The following RAB3GAP2 variants were observed in gnomAD, a reference collection of about 807,000 sequenced individuals.
RAB3GAP2 encodes rab3 GTPase-activating protein non-catalytic subunit.
RAB3GAP2 carries 87 observed loss-of-function variants against 185.3 expected under a neutral mutation model. That is an observed-to-expected ratio of 0.47 (90% CI 0.39 to 0.56). RAB3GAP2 has a LOEUF of 0.56. Among genes scored for constraint, RAB3GAP2 ranks in the 20% least tolerant of loss-of-function variants. The pLI, the probability that RAB3GAP2 is intolerant of heterozygous loss-of-function variation, is 0.00. For synonymous variants in RAB3GAP2, 554 were observed against 576.1 expected (o/e 0.96, Z 0.55); for missense variants, 1,492 against 1,638.2 (o/e 0.91, Z 1.54).
At position 220,254,557 on chromosome 1, in the gene RAB3GAP2, A is replaced by C. The variant is rs1282838193; in HGVS notation, c.115+17666T>G. On this transcript the variant is annotated intron_variant, in intron 1 of 34. Transcript: ENST00000358951. The stretch of plus-strand genomic sequence containing the variant: ...AGCTGTGTGAGAGGCACTCTCACTC[A>C]CTTATGTTTGGATCTCCGTAAACAC... 3 of 1,598,874 alleles carry C rather than the reference A, an allele frequency of 1.9e-6. No homozygotes were observed. In the African/African-American group the frequency reaches 4.0e-5, roughly 21 times the overall value.
chr1:220,236,019 A>C (rs1181950880), intron 1 of RAB3GAP2, among the ~76,000 whole-genome samples: 1 of 152,198 alleles, frequency 6.6e-6, no homozygotes, highest in East Asian at 1.9e-4. Context: ...GTGAAACAGC[A>C]CTATTATTCA....
In RAB3GAP2 at chr1:220,253,502, T is replaced by G. The variant is rs376492420; in HGVS notation, c.115+18721A>C. On this transcript the variant is annotated intron_variant, in intron 1 of 34. Transcript: ENST00000358951. The stretch of plus-strand genomic sequence containing the variant: ...ACGGCGCGTCTGACGCGGAGTTGGG[T>G]GGGGTAGAGAGTAGGGGGCGGTAGT... 2.4e-4 allele frequency: 327 copies of G among 1,349,184 alleles called. No individual in the cohort carries two copies. The African/African-American group carries it at 6.5e-3, about 27-fold the overall frequency. The allele number at this position is 1,349,184 out of a possible 1,614,324, so 83.6% of individuals were successfully genotyped here. A position where few individuals can be genotyped will look rare whatever the true frequency, so the allele number is the denominator to read the frequency against.
chr1:220,265,722 C>G (rs1660216018), intron 1 of RAB3GAP2, among the ~76,000 whole-genome samples: 1 of 151,940 alleles, frequency 6.6e-6, no homozygotes, highest in Non-Finnish European at 1.5e-5. Flanking sequence ...CCCAGGAGTT[C>G]AAGACCTGCT....
chr1:220,247,260 C>T (rs1272606993), intron 1 of RAB3GAP2, among the ~76,000 whole-genome samples: 1 of 152,162 alleles, frequency 6.6e-6, no homozygotes, highest in African/African-American at 2.4e-5. Context: ...TACTGGGTAT[C>T]TCCCAAAGGA....
intron 31 of RAB3GAP2, among the ~76,000 whole-genome samples, chr1:220,155,537 T>C (rs1553273384): frequency 1.3e-5 from 2 of 152,242 alleles, no homozygotes; most frequent in Non-Finnish European, 1.5e-5. Flanking sequence ...GCACCACTTA[T>C]TATTTACTAC....
intron 21 of RAB3GAP2, among the ~76,000 whole-genome samples, chr1:220,176,065 A>C (rs1205603260): frequency 6.6e-6 from 1 of 152,174 alleles, no homozygotes; most frequent in East Asian, 1.9e-4. Flanking sequence ...GTGAATACAG[A>C]GATAAATTAA....
At chr1:220,254,343 T>C in intron 1 of RAB3GAP2, 1 of 1,613,530 alleles carries the variant, frequency 6.2e-7, no homozygotes, top group Non-Finnish European at 8.5e-7. Context: ...CCCAGGTGTA[T>C]GGAGCGCCAC....
intron 1 of RAB3GAP2, among the ~76,000 whole-genome samples, chr1:220,259,049 A>G (rs566685930): frequency 6.6e-6 from 1 of 152,362 alleles, no homozygotes; most frequent in Admixed American, 6.5e-5. Context: ...CTCTTCAAGG[A>G]GAACTACAAA....
intron 4 of RAB3GAP2, 140 bp downstream of exon 4, chr1:220,212,747 C>T: frequency 1.3e-6 from 1 of 741,482 alleles, no homozygotes; most frequent in Admixed American, 2.1e-5. Context: ...CCTGCCTTGG[C>T]TTCCCAAAGT....
At chr1:220,198,472 C>T (rs762275653) in intron 9 of RAB3GAP2, among the ~76,000 whole-genome samples, 2 of 152,138 alleles carry the variant, frequency 1.3e-5, no homozygotes, top group African/African-American at 4.8e-5. Context: ...TTTTTCTGCC[C>T]TTTATATTGC....
chr1:220,151,880 T>A (rs1416351408), intron 33 of RAB3GAP2, 116 bp from the exon 34 acceptor site: 23 of 1,108,022 alleles, frequency 2.1e-5, no homozygotes, highest in Non-Finnish European at 2.9e-5. Flanking sequence ...TGGCCATTTA[T>A]CTTTTGATTG....
chr1:220,270,074 C>G (rs138443749), intron 1 of RAB3GAP2, among the ~76,000 whole-genome samples: 3 of 152,294 alleles, frequency 2.0e-5, no homozygotes, highest in Non-Finnish European at 4.4e-5. Flanking sequence ...AAGTTACCTC[C>G]ACCTTCTCAA....
Position 220,272,286 on chromosome 1 carries a change from G to A in RAB3GAP2, c.52C>T (p.Arg18Trp). The change falls in exon 1 of 35, where the codon CGG becomes TGG. Residue 18 changes from arginine (R) to tryptophan (W), a missense_variant. Physicochemically the swap from Arg to Trp is moderately radical, Grantham distance 101 (BLOSUM62 -3). Coordinates refer to ENST00000358951, the MANE Select transcript of RAB3GAP2 (RefSeq NM_012414.4). ...FCYFQDLQAA[R>W]DFLFPHLREE... ...CGCAGGTGAGGAAAGAGGAAGTCCC[G>A]GGCGGCCTGGAGGTCCTGGAAGTAG... 1 of 1,612,470 alleles carries A rather than the reference G, an allele frequency of 6.2e-7. No individual in the cohort carries two copies. Among genetic ancestry groups the A allele is most frequent in the South Asian group, 1.1e-5 (1 of 90,304 alleles).
intron 27 of RAB3GAP2, among the ~76,000 whole-genome samples, chr1:220,164,161 C>T (rs955343428): frequency 1.3e-5 from 2 of 152,166 alleles, no homozygotes; most frequent in East Asian, 3.9e-4. Flanking sequence ...TTGCTACAGT[C>T]TAATCTTATT....
intron 1 of RAB3GAP2, among the ~76,000 whole-genome samples, chr1:220,264,062 AAC>A (rs1204110765): frequency 1.3e-5 from 2 of 152,004 alleles, no homozygotes; most frequent in Non-Finnish European, 2.9e-5. Context: ...TGACCTTCTC[AAC>A]AGTTTTTACA....
At chr1:220,245,996 T>C (rs1659804288) in intron 1 of RAB3GAP2, among the ~76,000 whole-genome samples, 2 of 151,928 alleles carry the variant, frequency 1.3e-5, no homozygotes, top group Non-Finnish European at 1.5e-5. Context: ...AGAAAGGACA[T>C]CCACACCGAA....
rs559208538 is a variant in RAB3GAP2, at chr1:220,267,728, C to G, written c.115+4495G>C. On this transcript the variant is annotated intron_variant, in intron 1 of 34. Coordinates refer to ENST00000358951, the MANE Select transcript of RAB3GAP2 (RefSeq NM_012414.4). ...GAACTGGCTTGTGACTGGAGACAAG[C>G]TTTTGTGCTTGCAAAGGAACACGCT... 1.9e-6 allele frequency: 3 copies of G among 1,568,272 alleles called. No homozygotes were observed. The African/African-American group carries it at 4.1e-5, about 21-fold the overall frequency.
chr1:220,266,714 T>C (rs758601726), intron 1 of RAB3GAP2: 18 of 1,576,266 alleles, frequency 1.1e-5, no homozygotes, highest in Non-Finnish European at 1.6e-5. Flanking sequence ...CTAAGAATAC[T>C]TGCTAGTTGA....
intron 21 of RAB3GAP2, among the ~76,000 whole-genome samples, chr1:220,177,726 G>C (rs575338505): frequency 6.6e-6 from 1 of 152,116 alleles, no homozygotes; most frequent in East Asian, 1.9e-4. Flanking sequence ...CAGTGAATTC[G>C]TTGATAGACT....
Sources: gnomAD v4.1 joint callset for allele counts (sites outside exome capture counted in the v4.1 genomes callset) on GRCh38, gnomAD v4.1.1 for gene constraint, MANE v1.5 for transcripts, NCBI Gene and HGNC (gene_info 2026-07-23, HGNC 2026-07-21) for gene names.